QTGAL: variants seen among roughly 807,000 people sequenced by gnomAD.
QTGAL encodes the protein queuosine-tRNA galactosyltransferase, also known as BGnT-like protein 1.
the QTGAL span, among the ~76,000 whole-genome samples, chr17:83,040,146 C>T: frequency 1.3e-5 from 2 of 152,192 alleles, no homozygotes; most frequent in Non-Finnish European, 2.9e-5. Context: ...CTTTTAAAAT[C>T]CCAATGCCCA....
At chr17:83,014,480 C>A in the QTGAL span, 2 of 1,614,096 alleles carry the variant, frequency 1.2e-6, no homozygotes, top group Non-Finnish European at 1.7e-6. Context: ...ACGGCAGCCT[C>A]GTGTTGCAGC....
At chr17:82,983,805 G>A in the QTGAL span, among the ~76,000 whole-genome samples, 115 of 152,332 alleles carry the variant, frequency 7.5e-4, no homozygotes, top group South Asian at 2.3e-3. Flanking sequence ...TCAGATTAAC[G>A]GGTTGAAGCC....
chr17:83,044,970 A>C, the QTGAL span, among the ~76,000 whole-genome samples: 11 of 152,172 alleles, frequency 7.2e-5, no homozygotes. Flanking sequence ...AAAGAATCTA[A>C]ATTGTAAAAG....
At chr17:83,048,435 G>T in the QTGAL span, 1 of 1,533,734 alleles carries the variant, frequency 6.5e-7, no homozygotes, top group South Asian at 1.1e-5. Context: ...AAGAAACCAC[G>T]AATTATAGTT....
chr17:82,998,065 T>C, the QTGAL span, among the ~76,000 whole-genome samples: 17 of 151,574 alleles, frequency 1.1e-4, no homozygotes, highest in African/African-American at 3.9e-4. Context: ...AGGGTGACTA[T>C]AGTCAAAATT....
chr17:82,979,713 C>T, the QTGAL span, among the ~76,000 whole-genome samples: 1 of 152,156 alleles, frequency 6.6e-6, no homozygotes, highest in South Asian at 2.1e-4. Flanking sequence ...AACTCACTTG[C>T]TATGAAAATC....
At chr17:83,051,662 G>A in the QTGAL span, 3 of 1,320,088 alleles carry the variant, frequency 2.3e-6, no homozygotes, top group East Asian at 3.1e-5. Context: ...CGGAGCGAGA[G>A]AGGACTGGAG....
chr17:82,954,227 T>C, the QTGAL span, among the ~76,000 whole-genome samples: 3 of 152,192 alleles, frequency 2.0e-5, no homozygotes, highest in African/African-American at 7.2e-5. Flanking sequence ...GATGACATGA[T>C]TGTATATTTA....
chr17:82,954,590 C>A, the QTGAL span, among the ~76,000 whole-genome samples: 1 of 152,286 alleles, frequency 6.6e-6, no homozygotes, highest in East Asian at 1.9e-4. Context: ...CCATTCCCAT[C>A]AAGCTGCCAT....
chr17:83,046,596 T>C, the QTGAL span, among the ~76,000 whole-genome samples: 1 of 152,222 alleles, frequency 6.6e-6, no homozygotes, highest in Non-Finnish European at 1.5e-5. Flanking sequence ...GATGAGGATA[T>C]GTAGAAATTG....
the QTGAL span, among the ~76,000 whole-genome samples, chr17:82,953,633 A>G: frequency 2.6e-5 from 4 of 152,326 alleles, no homozygotes; most frequent in Admixed American, 1.3e-4. Flanking sequence ...AACAATAGAA[A>G]AAAAGGGACT....
chr17:82,992,289 G>C, the QTGAL span, among the ~76,000 whole-genome samples: 10 of 152,074 alleles, frequency 6.6e-5, no homozygotes, highest in Non-Finnish European at 1.5e-4. Flanking sequence ...ATAAAGAAAG[G>C]ACCCTACAAG....
the QTGAL span, among the ~76,000 whole-genome samples, chr17:83,032,296 C>T: frequency 8.6e-6 from 1 of 116,572 alleles, no homozygotes; most frequent in Non-Finnish European, 1.7e-5. Context: ...AGCTGAACAA[C>T]GGGTCAGACC....
At chr17:82,967,172 G>A in the QTGAL span, among the ~76,000 whole-genome samples, 1 of 152,204 alleles carries the variant, frequency 6.6e-6, no homozygotes, top group Non-Finnish European at 1.5e-5. Context: ...CCCACATTCT[G>A]AGATTGGGGG....
the QTGAL span, chr17:82,956,919 G>A: frequency 9.4e-7 from 1 of 1,058,882 alleles, no homozygotes; most frequent in Non-Finnish European, 1.4e-6. The surrounding 1 kb of genome is among the most constrained non-coding windows in gnomAD (Gnocchi z 5.7). Context: ...ACTGCGGCAG[G>A]TGTTCAGAGC....
At chr17:82,971,036 C>T in the QTGAL span, among the ~76,000 whole-genome samples, 55 of 152,054 alleles carry the variant, frequency 3.6e-4, no homozygotes, top group African/African-American at 1.1e-3. Flanking sequence ...TGCGTTCCTG[C>T]GAGGGCTCAC....
the QTGAL span, among the ~76,000 whole-genome samples, chr17:82,985,559 A>G: frequency 2.6e-5 from 4 of 152,094 alleles, no homozygotes; most frequent in East Asian, 1.9e-4. Context: ...CTCCACTTCA[A>G]TTACATCCTT....
the QTGAL span, among the ~76,000 whole-genome samples, chr17:82,979,176 C>G: frequency 1.3e-5 from 2 of 152,072 alleles, no homozygotes; most frequent in African/African-American, 4.8e-5. Context: ...AAAGTCAAAC[C>G]AAGAGCTGGC....
the QTGAL span, among the ~76,000 whole-genome samples, chr17:82,994,345 A>G: frequency 1.3e-5 from 2 of 152,270 alleles, no homozygotes; most frequent in Non-Finnish European, 2.9e-5. Context: ...CAAAGAAATT[A>G]GTGGCTAGTA....
Sources: gnomAD v4.1 joint callset for allele counts (sites outside exome capture counted in the v4.1 genomes callset) on GRCh38, gnomAD v4.1.1 for gene constraint, Gnocchi (gnomAD v3.1) non-coding constraint, MANE v1.5 for transcripts, NCBI Gene and HGNC (gene_info 2026-07-23, HGNC 2026-07-21) for gene names.